The following FILIP1L variants were observed in gnomAD, a reference collection of about 807,000 sequenced individuals.
The protein encoded by FILIP1L is filamin A-interacting protein 1-like.
Under a neutral mutation model 96.6 loss-of-function variants are expected in FILIP1L, and 55 were observed. That is an observed-to-expected ratio of 0.57 (90% CI 0.46 to 0.71). The LOEUF is 0.71. Among genes scored for constraint, FILIP1L ranks in the 30% least tolerant of loss-of-function variants. The pLI is 0.00. For synonymous variants in FILIP1L, 467 were observed against 473.9 expected (o/e 0.99, Z 0.19); for missense variants, 1,304 against 1,321.2 (o/e 0.99, Z 0.20).
At chr3:100,103,957 A>G (rs1322775615) in intron 1 of FILIP1L, among the ~76,000 whole-genome samples, 1 of 152,222 alleles carries the variant, frequency 6.6e-6, no homozygotes, top group Non-Finnish European at 1.5e-5. Context: ...TTGTTTAATC[A>G]GGCGCATTAA....
At chr3:100,089,730 T>C (rs2066071396) in intron 1 of FILIP1L, among the ~76,000 whole-genome samples, 1 of 152,220 alleles carries the variant, frequency 6.6e-6, no homozygotes, top group Non-Finnish European at 1.5e-5. Flanking sequence ...TAAGAATTCA[T>C]TGCTCGTTAA....
chr3:99,949,292 G>A (rs774617898), intron 1 of FILIP1L, among the ~76,000 whole-genome samples: 71 of 152,270 alleles, frequency 4.7e-4, no homozygotes, highest in Admixed American at 1.5e-3. Context: ...TGACATATTT[G>A]TATGATTCAG....
chr3:100,007,015 C>T (rs1470973799), intron 1 of FILIP1L, among the ~76,000 whole-genome samples: 1 of 152,176 alleles, frequency 6.6e-6, no homozygotes, highest in Non-Finnish European at 1.5e-5. Flanking sequence ...TCTTTCATTA[C>T]TTACTGGCTT....
At chr3:100,062,135 G>A (rs1214742809) in intron 1 of FILIP1L, among the ~76,000 whole-genome samples, 2 of 82,560 alleles carry the variant, frequency 2.4e-5, no homozygotes, top group Non-Finnish European at 4.4e-5. Flanking sequence ...TTTTTGAGAC[G>A]GAGTGTTGCT....
At chr3:99,992,009 TGTGTATATATATATATAC>T (rs1225123413) in intron 1 of FILIP1L, among the ~76,000 whole-genome samples, 1 of 150,486 alleles carries the variant, frequency 6.6e-6, no homozygotes, top group African/African-American at 2.4e-5. Flanking sequence ...TATATGTGTG[TGTGTATATATATATATAC>T]GTGTATATAT....
intron 1 of FILIP1L, among the ~76,000 whole-genome samples, chr3:99,963,496 A>G (rs1708553873): frequency 6.6e-6 from 1 of 152,222 alleles, no homozygotes; most frequent in African/African-American, 2.4e-5. Flanking sequence ...CAACTGCTTG[A>G]AAGTATTAGA....
intron 1 of FILIP1L, among the ~76,000 whole-genome samples, chr3:100,023,090 A>T (rs2064855153): frequency 6.6e-6 from 1 of 152,214 alleles, no homozygotes; most frequent in Non-Finnish European, 1.5e-5. Context: ...ATGAATCAGT[A>T]GTAAAGAGAT....
chr3:99,855,341 G>A (rs1943910708), intron 4 of FILIP1L, among the ~76,000 whole-genome samples: 1 of 152,148 alleles, frequency 6.6e-6, no homozygotes, highest in African/African-American at 2.4e-5. Context: ...AATGATTTTA[G>A]TTCCAATTTG....
chr3:99,850,057 A>G lies in FILIP1L; in HGVS notation c.1619T>C (p.Ile540Thr), dbSNP rs966744961. The G allele has an allele frequency of 2.5e-6, 4 of 1,611,922 alleles. No individual in the cohort carries two copies. Among genetic ancestry groups the G allele is most frequent in the Admixed American group, 1.7e-5 (1 of 59,630 alleles). ...NKVTTVTEKL[I>T]EETKRALKSK... ...CTTGAGCGCCCTTTTAGTTTCCTCA[A>G]TTAACTTCTCAGTAACTGTTGTTAC... The change falls in exon 5 of 6, where the codon ATT (isoleucine) becomes ACT (threonine). Residue 540 changes from isoleucine to threonine, a missense_variant. Physicochemically the swap from Ile to Thr is moderately conservative, Grantham distance 89 (BLOSUM62 -1). Coordinates refer to ENST00000477258, the MANE Select transcript of FILIP1L (RefSeq NM_001387850.1).
At chr3:99,934,725 C>A (rs1461133376) in intron 1 of FILIP1L, among the ~76,000 whole-genome samples, 1 of 152,222 alleles carries the variant, frequency 6.6e-6, no homozygotes, top group Non-Finnish European at 1.5e-5. Context: ...CTAGCTTCCT[C>A]ACCTCACTCT....
chr3:99,846,288 A>G (rs985580595), intron 5 of FILIP1L, among the ~76,000 whole-genome samples: 6 of 152,148 alleles, frequency 3.9e-5, no homozygotes, highest in Non-Finnish European at 7.3e-5. Context: ...CCATTATGTG[A>G]CAAAGTTGGG....
chr3:99,891,133 C>G (rs1297072314), intron 4 of FILIP1L, among the ~76,000 whole-genome samples: 1 of 151,682 alleles, frequency 6.6e-6, no homozygotes, highest in East Asian at 1.9e-4. Flanking sequence ...AGTATACCTT[C>G]TCAGTGGAGT....
At chr3:99,956,429 T>C (rs1708320832) in intron 1 of FILIP1L, among the ~76,000 whole-genome samples, 1 of 152,216 alleles carries the variant, frequency 6.6e-6, no homozygotes, top group Admixed American at 6.6e-5. Flanking sequence ...CTTGGCTCAC[T>C]GCAAACTACG....
chr3:99,859,760 T>C (rs1238574699), intron 4 of FILIP1L, among the ~76,000 whole-genome samples: 1 of 73,576 alleles, frequency 1.4e-5, no homozygotes, highest in Admixed American at 1.7e-4. Flanking sequence ...AAAGCTTCTT[T>C]ATTTGAGATA....
Position 100,055,072 on chromosome 3 carries a change from T to C in FILIP1L, c.-11+58981A>G, listed in dbSNP as rs146475448. The stretch of plus-strand genomic sequence containing the variant: ...GTATTTTGTTGTCAGGTCACAGTTG[T>C]CTTTCTGGAAGTCTCCTGCCTCAGA... On this transcript the variant is annotated intron_variant, in intron 1 of 5. Transcript: ENST00000477258. 4.5e-3 allele frequency among the ~76,000 whole-genome samples: 686 copies of C among 152,278 alleles called. 7 individuals are homozygous for C. The highest frequency in any genetic ancestry group is 0.016 in the African/African-American group (673 of 41,554).
At chr3:99,891,393 C>T (rs2107614833) in intron 4 of FILIP1L, among the ~76,000 whole-genome samples, 1 of 152,210 alleles carries the variant, frequency 6.6e-6, no homozygotes, top group East Asian at 1.9e-4. Flanking sequence ...TGGAGTTTAA[C>T]AAAACATTCT....
At chr3:99,897,404 C>T (rs1225751830) in intron 4 of FILIP1L, among the ~76,000 whole-genome samples, 1 of 151,954 alleles carries the variant, frequency 6.6e-6, no homozygotes, top group Admixed American at 6.6e-5. Context: ...TGTTCTATAC[C>T]TTTGACAGTA....
intron 1 of FILIP1L, among the ~76,000 whole-genome samples, chr3:99,971,367 G>A (rs1708817241): frequency 6.6e-6 from 1 of 151,776 alleles, no homozygotes; most frequent in African/African-American, 2.4e-5. Context: ...TGGGATGCTG[G>A]AACCCATAAG....
intron 4 of FILIP1L, among the ~76,000 whole-genome samples, chr3:99,892,546 C>T (rs1203600478): frequency 6.6e-6 from 1 of 152,168 alleles, no homozygotes; most frequent in East Asian, 1.9e-4. Context: ...GTTCTTGTGG[C>T]TTTGATCTCT....
Sources: gnomAD v4.1 joint callset for allele counts (sites outside exome capture counted in the v4.1 genomes callset) on GRCh38, gnomAD v4.1.1 for gene constraint, MANE v1.5 for transcripts, NCBI Gene and HGNC (gene_info 2026-07-23, HGNC 2026-07-21) for gene names.